Variants in SETBP1 observed in about 807,000 individuals in gnomAD.
SETBP1 encodes SET binding protein 1.
In SETBP1, 9 loss-of-function variants were observed where a neutral mutation model predicts 101.0. The observed-to-expected ratio is 0.09, with a 90% CI of 0.05 to 0.16. The LOEUF (loss-of-function observed/expected upper bound fraction) is 0.16. Ranked by LOEUF, SETBP1 falls within the 10% of genes least tolerant of loss-of-function variation. SETBP1 has a pLI of 1.00. For synonymous variants in SETBP1, 818 were observed against 788.5 expected (o/e 1.04, Z -0.63); for missense variants, 1,858 against 2,033.8 (o/e 0.91, Z 1.66).
chr18:44,749,219 T>G (rs1313604684), intron 2 of SETBP1, among the ~76,000 whole-genome samples: 2 of 152,260 alleles, frequency 1.3e-5, no homozygotes, highest in Non-Finnish European at 2.9e-5. Flanking sequence ...TTAGTTCTGT[T>G]ACATTCATTA....
At chr18:44,851,255 G>C (rs1375173715) in intron 2 of SETBP1, among the ~76,000 whole-genome samples, 1 of 152,174 alleles carries the variant, frequency 6.6e-6, no homozygotes, top group Non-Finnish European at 1.5e-5. Flanking sequence ...AGAGAAGGAG[G>C]GCCCAGGAAA....
chr18:45,040,522 A>G (rs768083190), intron 5 of SETBP1, among the ~76,000 whole-genome samples: 2 of 152,112 alleles, frequency 1.3e-5, no homozygotes, highest in African/African-American at 2.4e-5. Flanking sequence ...CTCTTTATGG[A>G]TTGAGAAATT....
At chr18:44,756,216 CAA>C (rs34254211) in intron 2 of SETBP1, among the ~76,000 whole-genome samples, 87 of 108,192 alleles carry the variant, frequency 8.0e-4, no homozygotes, top group Non-Finnish European at 7.8e-4. Flanking sequence ...GACTCCATGT[CAA>C]AAAAAAAAAA....
chr18:44,799,492 C>T (rs567475632), intron 2 of SETBP1, among the ~76,000 whole-genome samples: 60 of 152,278 alleles, frequency 3.9e-4, no homozygotes, highest in African/African-American at 1.1e-3. Flanking sequence ...TGCACTCTTG[C>T]GCATGTGTGT....
chr18:44,819,840 G>A (rs565943288), intron 2 of SETBP1, among the ~76,000 whole-genome samples: 59 of 152,298 alleles, frequency 3.9e-4, no homozygotes, highest in Admixed American at 2.0e-3. Context: ...CTGGGACTGC[G>A]TGTAACCTAC....
rs531974601 is a variant in SETBP1, at chr18:44,703,348, GTTTTTTTTTTTTTTTTTTTTTTTTTTTT to G, written c.486+1535_486+1562del. ...TCCATAGCATTTCTGTTACCATTAG[GTTTTTTTTTTTTTTTTTTTTTTTTTTTT>G]TTTTTTTTTTTTTTTTTTAGCTTTG... On this transcript the variant is annotated intron_variant, in intron 2 of 5. Coordinates refer to ENST00000649279, the MANE Select transcript of SETBP1 (RefSeq NM_015559.3). 5.0e-3 allele frequency among the ~76,000 whole-genome samples: 255 copies of G among 51,448 alleles called. 6 individuals are homozygous for G. Among genetic ancestry groups the G allele is most frequent in the East Asian group, 0.017 (23 of 1,382 alleles). The allele number at this position is 51,448 out of a possible 152,430, so 33.8% of individuals were successfully genotyped here.
intron 2 of SETBP1, among the ~76,000 whole-genome samples, chr18:44,779,793 C>T (rs2071085087): frequency 6.6e-6 from 1 of 152,154 alleles, no homozygotes; most frequent in Non-Finnish European, 1.5e-5. Flanking sequence ...TACCCCTCTG[C>T]TCTGCTGCAT....
At chr18:45,030,495 G>A (rs1236150855) in intron 4 of SETBP1, among the ~76,000 whole-genome samples, 1 of 138,864 alleles carries the variant, frequency 7.2e-6, no homozygotes, top group Non-Finnish European at 1.5e-5. Flanking sequence ...GTCTCTGCCA[G>A]GCTTTGGTAT....
chr18:45,046,902 G>C (rs957917789), intron 5 of SETBP1, among the ~76,000 whole-genome samples: 4 of 152,204 alleles, frequency 2.6e-5, no homozygotes, highest in African/African-American at 9.7e-5. Flanking sequence ...TGGGTGCTTA[G>C]TAGATACTCA....
At chr18:44,946,249 A>C (rs958990820) in intron 3 of SETBP1, among the ~76,000 whole-genome samples, 15 of 152,160 alleles carry the variant, frequency 9.9e-5, no homozygotes, top group Non-Finnish European at 4.4e-5. Context: ...GAGCAGTCCC[A>C]GCAGGGCAGA....
chr18:44,721,005 C>G (rs1232845353), intron 2 of SETBP1, among the ~76,000 whole-genome samples: 2 of 149,326 alleles, frequency 1.3e-5, no homozygotes, highest in African/African-American at 2.5e-5. Context: ...GGGAGTGAGC[C>G]CAGAGACTGG....
chr18:45,049,952 G>A (rs2073694875), intron 5 of SETBP1, among the ~76,000 whole-genome samples: 1 of 152,156 alleles, frequency 6.6e-6, no homozygotes, highest in African/African-American at 2.4e-5. Flanking sequence ...GCTTTCTTAA[G>A]GAAATATAGC....
chr18:44,764,157 G>T (rs1429536115), intron 2 of SETBP1, among the ~76,000 whole-genome samples: 1 of 152,170 alleles, frequency 6.6e-6, no homozygotes, highest in African/African-American at 2.4e-5. Context: ...GGCCTGCGGA[G>T]TCCTGCATGA....
chr18:44,757,600 C>T (rs2070528681), intron 2 of SETBP1, among the ~76,000 whole-genome samples: 1 of 152,158 alleles, frequency 6.6e-6, no homozygotes, highest in African/African-American at 2.4e-5. Context: ...AACATTTACT[C>T]AACACTTACT....
At chr18:44,864,797 G>A (rs146294936) in intron 2 of SETBP1, among the ~76,000 whole-genome samples, 1 of 152,114 alleles carries the variant, frequency 6.6e-6, no homozygotes, top group African/African-American at 2.4e-5. Context: ...GAGTCCCTAG[G>A]GCCATGGCGA....
intron 4 of SETBP1, among the ~76,000 whole-genome samples, chr18:44,970,921 G>C (rs2071837557): frequency 6.6e-6 from 1 of 151,814 alleles, no homozygotes; most frequent in Non-Finnish European, 1.5e-5. Flanking sequence ...CAACGTGCAG[G>C]TTTGTTACAT....
At chr18:44,772,601 G>A (rs571709407) in intron 2 of SETBP1, among the ~76,000 whole-genome samples, 5 of 152,244 alleles carry the variant, frequency 3.3e-5, no homozygotes, top group Non-Finnish European at 4.4e-5. Context: ...AGAGTGATGC[G>A]TCTGTTCTTG....
chr18:44,696,369 C>A (rs1266779734), intron 1 of SETBP1, among the ~76,000 whole-genome samples: 2 of 152,184 alleles, frequency 1.3e-5, no homozygotes, highest in Non-Finnish European at 2.9e-5. Context: ...CCATCAGAAC[C>A]ACTGAGAGGG....
intron 2 of SETBP1, among the ~76,000 whole-genome samples, chr18:44,802,981 G>A (rs1248176354): frequency 6.6e-6 from 1 of 152,044 alleles, no homozygotes; most frequent in Non-Finnish European, 1.5e-5. Flanking sequence ...GGTCATTTGG[G>A]CCTGGGTGTC....
Sources: allele counts gnomAD v4.1 joint callset (sites outside exome capture counted in the v4.1 genomes callset), GRCh38; gene constraint gnomAD v4.1.1; transcripts MANE v1.5; gene names NCBI Gene and HGNC (gene_info 2026-07-23, HGNC 2026-07-21).